VAV3: variants seen among roughly 807,000 people sequenced by gnomAD.
VAV3 encodes vav guanine nucleotide exchange factor 3.
A neutral mutation model predicts 131.2 loss-of-function variants in VAV3; 94 were observed. That is an observed-to-expected ratio of 0.72 (90% confidence interval 0.61 to 0.85). The LOEUF (loss-of-function observed/expected upper bound fraction) is 0.85. Ranked by LOEUF, VAV3 falls within the 40% of genes least tolerant of loss-of-function variation. The pLI is 0.00. For missense variants in VAV3, 939 were observed against 1,002.7 expected (o/e 0.94, Z 0.86); for synonymous variants, 349 against 342.0 (o/e 1.02, Z -0.22).
At chr1:107,811,269 C>T (rs1667303425) in intron 2 of VAV3, among the ~76,000 whole-genome samples, 1 of 152,072 alleles carries the variant, frequency 6.6e-6, no homozygotes, top group Admixed American at 6.6e-5. Context: ...TACAGGACTC[C>T]GATGCTTTAC....
At chr1:107,913,882 G>A (rs191195699) in intron 1 of VAV3, among the ~76,000 whole-genome samples, 69 of 152,150 alleles carry the variant, frequency 4.5e-4, no homozygotes, top group African/African-American at 1.6e-3. Context: ...TGCAACCATC[G>A]CCTTCAGGTT....
intron 15 of VAV3, among the ~76,000 whole-genome samples, chr1:107,722,840 C>CTCTTTTTT (rs371987024): frequency 2.3e-5 from 3 of 129,812 alleles, no homozygotes; most frequent in African/African-American, 2.9e-5. Context: ...ATTATCCTCT[C>CTCTTTTTT]TTTTTTTTTT....
chr1:107,740,933 C>T (rs184164769), intron 15 of VAV3, among the ~76,000 whole-genome samples: 38 of 152,234 alleles, frequency 2.5e-4, no homozygotes, highest in African/African-American at 8.9e-4. Flanking sequence ...TGTTGCTGGC[C>T]CTTGTTCTAA....
intron 15 of VAV3, among the ~76,000 whole-genome samples, chr1:107,730,812 G>T (rs1049927834): frequency 6.6e-6 from 1 of 152,184 alleles, no homozygotes; most frequent in Non-Finnish European, 1.5e-5. Flanking sequence ...AAAACAAACT[G>T]AAAAGGAAAC....
intron 2 of VAV3, among the ~76,000 whole-genome samples, chr1:107,799,687 T>C (rs1666733981): frequency 6.6e-6 from 1 of 152,210 alleles, no homozygotes; most frequent in Non-Finnish European, 1.5e-5. Flanking sequence ...AACTTTTCTT[T>C]ATGCTGGGAA....
intron 18 of VAV3, chr1:107,686,046 G>A (rs1225930501): frequency 1.4e-5 from 2 of 142,256 alleles, no homozygotes; most frequent in Non-Finnish European, 3.1e-5. Flanking sequence ...GGGGGGGAGG[G>A]GGGGCAGGAA....
intron 2 of VAV3, among the ~76,000 whole-genome samples, chr1:107,841,196 G>A (rs770214067): frequency 2.6e-5 from 4 of 152,054 alleles, no homozygotes; most frequent in Non-Finnish European, 4.4e-5. Context: ...TCTTCTATGT[G>A]CAGTACTGTT....
chr1:107,725,922 T>C (rs1297331448), intron 15 of VAV3, among the ~76,000 whole-genome samples: 2 of 152,168 alleles, frequency 1.3e-5, no homozygotes, highest in Non-Finnish European at 2.9e-5. Flanking sequence ...TTCCCTTTCC[T>C]GAAGGCAACA....
chr1:107,761,797 A>G (rs948204446), intron 9 of VAV3, among the ~76,000 whole-genome samples: 1 of 152,130 alleles, frequency 6.6e-6, no homozygotes, highest in African/African-American at 2.4e-5. Context: ...AGAATGTAGT[A>G]TTTGCTTAAT....
chr1:107,839,452 A>G (rs1404962885), intron 2 of VAV3, among the ~76,000 whole-genome samples: 1 of 152,166 alleles, frequency 6.6e-6, no homozygotes, highest in Non-Finnish European at 1.5e-5. Flanking sequence ...AAATTCACAA[A>G]TGAACTTTGA....
chr1:107,930,057 T>C (rs2101199049), intron 1 of VAV3, among the ~76,000 whole-genome samples: 1 of 152,018 alleles, frequency 6.6e-6, no homozygotes, highest in East Asian at 1.9e-4. Flanking sequence ...TAGTGGGTGG[T>C]TGGAGGGGAA....
intron 19 of VAV3, among the ~76,000 whole-genome samples, chr1:107,644,005 C>G (rs1278898440): frequency 2.0e-5 from 3 of 152,046 alleles, no homozygotes; most frequent in Admixed American, 1.3e-4. Context: ...GCCGCAGAAC[C>G]CCCAGAGGGA....
intron 2 of VAV3, among the ~76,000 whole-genome samples, chr1:107,788,343 T>C (rs951712616): frequency 3.9e-5 from 6 of 151,936 alleles, no homozygotes; most frequent in Non-Finnish European, 5.9e-5. Flanking sequence ...CCCTGCCCCT[T>C]CCACCCTCAC....
At chr1:107,721,548 A>G (rs1661501788) in intron 15 of VAV3, among the ~76,000 whole-genome samples, 1 of 152,294 alleles carries the variant, frequency 6.6e-6, no homozygotes, top group East Asian at 1.9e-4. Flanking sequence ...GGCAGCAGAG[A>G]AACACATCAG....
chr1:107,688,065 T>C (rs1435700697), intron 18 of VAV3, among the ~76,000 whole-genome samples: 1 of 152,232 alleles, frequency 6.6e-6, no homozygotes. Context: ...CAACATTTCA[T>C]GACGGGGACG....
intron 19 of VAV3, among the ~76,000 whole-genome samples, chr1:107,681,242 TA>T (rs200596420): frequency 2.6e-5 from 4 of 151,442 alleles, no homozygotes; most frequent in Non-Finnish European, 4.4e-5. Flanking sequence ...AACTGTAGGA[TA>T]AAAAAAAATC....
At chr1:107,882,334 T>C (rs1461273178) in intron 1 of VAV3, among the ~76,000 whole-genome samples, 1 of 152,164 alleles carries the variant, frequency 6.6e-6, no homozygotes, top group Non-Finnish European at 1.5e-5. Flanking sequence ...ACACTTGCTA[T>C]TGAAAGATCG....
In VAV3 at chr1:107,571,662, T is replaced by G. The variant is rs1033247611; in HGVS notation, c.*1669A>C. The G allele has an allele frequency of 2.0e-5, 3 of 152,658 alleles. No individual in the cohort carries two copies. The highest frequency in any genetic ancestry group is 7.2e-5 in the African/African-American group (3 of 41,454). The allele number at this position is 152,658 out of a possible 1,614,324, so 9.5% of individuals were successfully genotyped here. A position where few individuals can be genotyped will look rare whatever the true frequency, so the allele number is the denominator to read the frequency against. On this transcript the variant is annotated 3_prime_UTR_variant, in exon 27 of 27. Transcript: ENST00000370056. The stretch of plus-strand genomic sequence containing the variant: ...AGTACACTTTGAGGTGTAACTTTAT[T>G]GTACAGAACATTTTATAAAATACAT...
intron 2 of VAV3, among the ~76,000 whole-genome samples, chr1:107,801,479 G>A (rs973143248): frequency 7.2e-5 from 11 of 152,146 alleles, no homozygotes; most frequent in Admixed American, 3.9e-4. Context: ...AGTCCTTGTG[G>A]ATGAACTGCA....
Sources: allele counts gnomAD v4.1 joint callset (sites outside exome capture counted in the v4.1 genomes callset), GRCh38; gene constraint gnomAD v4.1.1; transcripts MANE v1.5; gene names NCBI Gene and HGNC (gene_info 2026-07-23, HGNC 2026-07-21).